Variants in PARD3 observed in about 807,000 individuals in gnomAD.
PARD3 encodes par-3 family cell polarity regulator.
In PARD3, 75 loss-of-function variants were observed where a neutral mutation model predicts 155.4. The observed-to-expected ratio is 0.48, with a 90% confidence interval of 0.40 to 0.58. PARD3 has a LOEUF of 0.58. Ranked by LOEUF, PARD3 falls within the 20% of genes least tolerant of loss-of-function variation. The pLI, the probability that PARD3 is intolerant of heterozygous loss-of-function variation, is 0.00. For missense variants in PARD3, 1,642 were observed against 1,721.7 expected, an observed-to-expected ratio of 0.95 and a Z score of 0.82; for synonymous variants, 576 against 610.5, an observed-to-expected ratio of 0.94 and a Z score of 0.83.
At chr10:34,453,640 CTG>C (rs1230304890) in intron 4 of PARD3, among the ~76,000 whole-genome samples, 1 of 152,170 alleles carries the variant, frequency 6.6e-6, no homozygotes, top group Non-Finnish European at 1.5e-5. Context: ...AATGTAATCA[CTG>C]TATTTTTAGA....
intron 1 of PARD3, among the ~76,000 whole-genome samples, chr10:34,745,733 G>C (rs1380268252): frequency 6.6e-6 from 1 of 152,082 alleles, no homozygotes; most frequent in Non-Finnish European, 1.5e-5. Flanking sequence ...CAATGCTGCA[G>C]TGAGCCCTGA....
At chr10:34,472,581 C>A (rs974375394) in intron 3 of PARD3, among the ~76,000 whole-genome samples, 1 of 152,144 alleles carries the variant, frequency 6.6e-6, no homozygotes, top group Non-Finnish European at 1.5e-5. Context: ...TGTCCAATTA[C>A]AGGGTTAGTT....
chr10:34,672,699 G>A (rs1314271824), intron 2 of PARD3, among the ~76,000 whole-genome samples: 1 of 152,180 alleles, frequency 6.6e-6, no homozygotes, highest in Non-Finnish European at 1.5e-5. Context: ...CACATAACCA[G>A]TATGCTCCTT....
chr10:34,285,629 C>T (rs1956349661), intron 20 of PARD3, among the ~76,000 whole-genome samples: 1 of 151,092 alleles, frequency 6.6e-6, no homozygotes. Context: ...CCAAAGTTGA[C>T]ATAAAAGAGA....
chr10:34,121,341 T>G (rs975434602), intron 23 of PARD3, among the ~76,000 whole-genome samples: 7 of 152,360 alleles, frequency 4.6e-5, no homozygotes, highest in Admixed American at 1.3e-4. Flanking sequence ...GCATCAGCAG[T>G]AGGCCCCTTA....
At chr10:34,321,656 T>G (rs1958386562) in intron 19 of PARD3, among the ~76,000 whole-genome samples, 1 of 152,232 alleles carries the variant, frequency 6.6e-6, no homozygotes, top group Non-Finnish European at 1.5e-5. Context: ...AGAGTCATTC[T>G]GCAATTAAGA....
intron 1 of PARD3, among the ~76,000 whole-genome samples, chr10:34,742,536 T>G (rs556669028): frequency 2.4e-4 from 37 of 152,284 alleles, no homozygotes; most frequent in African/African-American, 8.4e-4. Flanking sequence ...TCCGTGTTCA[T>G]TAAGTGTCCT....
Position 34,317,109 on chromosome 10 carries a change from G to C in PARD3, c.3063C>G (p.Phe1021Leu), listed in dbSNP as rs777604125. The change falls in exon 20 of 25, where the codon TTC (phenylalanine) becomes TTG (leucine). Residue 1021 changes from phenylalanine (F) to leucine (L), a missense_variant and splice_region_variant. By Grantham distance (22) the Phe-to-Leu change is conservative. Transcript: ENST00000374788. ...KGMLKGLGDM[F>L]RFGKHRKDDK... The stretch of plus-strand genomic sequence containing the variant: ...GGTTTGGGATGGTAACGACTTACCT[G>C]AACATGTCTCCCAAGCCCTTCAGCA... The C allele has an allele frequency of 1.3e-6, 2 of 1,550,776 alleles. No individual in the cohort carries two copies. The highest frequency in any genetic ancestry group is 2.4e-5 in the East Asian group (1 of 41,424).
chr10:34,251,310 A>C (rs1164889326), intron 22 of PARD3, among the ~76,000 whole-genome samples: 1 of 152,212 alleles, frequency 6.6e-6, no homozygotes, highest in Non-Finnish European at 1.5e-5. Flanking sequence ...TTTAGCTTTG[A>C]AATGCCCTTA....
chr10:34,186,123 AG>A (rs1231715274), intron 22 of PARD3, among the ~76,000 whole-genome samples: 21 of 151,834 alleles, frequency 1.4e-4, no homozygotes, highest in African/African-American at 4.6e-4. Flanking sequence ...AACAACGAGC[AG>A]GGGGGAGGCA....
At chr10:34,217,909 TAAA>T in intron 22 of PARD3, among the ~76,000 whole-genome samples, 1 of 152,144 alleles carries the variant, frequency 6.6e-6, no homozygotes, top group Non-Finnish European at 1.5e-5. Context: ...ACGGATACCT[TAAA>T]AAATATAATG....
At chr10:34,670,566 C>A (rs1390960541) in intron 2 of PARD3, among the ~76,000 whole-genome samples, 2 of 152,202 alleles carry the variant, frequency 1.3e-5, no homozygotes, top group African/African-American at 4.8e-5. Flanking sequence ...AACCCCATCC[C>A]ACTACCACTG....
chr10:34,228,869 G>A (rs865827911), intron 22 of PARD3, among the ~76,000 whole-genome samples: 1 of 152,028 alleles, frequency 6.6e-6, no homozygotes, highest in African/African-American at 2.4e-5. Flanking sequence ...TCTGAGGCAG[G>A]TAACTCTGGG....
chr10:34,283,676 CA>C, intron 21 of PARD3, among the ~76,000 whole-genome samples: 1 of 151,928 alleles, frequency 6.6e-6, no homozygotes, highest in East Asian at 1.9e-4. Flanking sequence ...GAAAGAAAAA[CA>C]ACATAATGAA....
intron 23 of PARD3, among the ~76,000 whole-genome samples, chr10:34,123,824 C>T (rs1371129275): frequency 2.0e-5 from 3 of 151,970 alleles, no homozygotes; most frequent in African/African-American, 4.8e-5. Flanking sequence ...AAATACAAAA[C>T]GAAATATTTA....
intron 1 of PARD3, among the ~76,000 whole-genome samples, chr10:34,723,785 G>A (rs1200852423): frequency 2.6e-5 from 4 of 152,178 alleles, no homozygotes; most frequent in African/African-American, 9.7e-5. Flanking sequence ...ATGCAGCGGA[G>A]GAACTGCAGG....
intron 22 of PARD3, among the ~76,000 whole-genome samples, chr10:34,235,232 C>T (rs1432289854): frequency 2.0e-5 from 3 of 152,126 alleles, no homozygotes; most frequent in Non-Finnish European, 2.9e-5. Flanking sequence ...ACTATAAAAG[C>T]TTCTTAAATT....
chr10:34,699,990 TAAA>T (rs1339302157), intron 1 of PARD3, among the ~76,000 whole-genome samples: 2 of 152,110 alleles, frequency 1.3e-5, no homozygotes, highest in Non-Finnish European at 2.9e-5. Flanking sequence ...AACATTCAAC[TAAA>T]AAAGAAGAAG....
At chr10:34,594,043 G>A (rs767157548) in intron 2 of PARD3, among the ~76,000 whole-genome samples, 1 of 152,120 alleles carries the variant, frequency 6.6e-6, no homozygotes, top group Non-Finnish European at 1.5e-5. Context: ...TCATAGATTT[G>A]CATTTATTAC....
Sources: gnomAD v4.1 joint callset for allele counts (sites outside exome capture counted in the v4.1 genomes callset) on GRCh38, gnomAD v4.1.1 for gene constraint, MANE v1.5 for transcripts, NCBI Gene and HGNC (gene_info 2026-07-23, HGNC 2026-07-21) for gene names.